The following SLC24A2 variants were observed in gnomAD, a reference collection of about 807,000 sequenced individuals.
SLC24A2 encodes sodium/potassium/calcium exchanger 2.
A neutral mutation model predicts 62.0 loss-of-function variants in SLC24A2; 36 were observed. That is an observed-to-expected ratio of 0.58 (90% CI 0.44 to 0.77). The LOEUF is 0.77. Among genes scored for constraint, SLC24A2 ranks in the 30% least tolerant of loss-of-function variants. The pLI, the probability that SLC24A2 is intolerant of heterozygous loss-of-function variation, is 0.00. For synonymous variants in SLC24A2, 358 were observed against 294.0 expected (o/e 1.22, Z -2.23); for missense variants, 846 against 817.9 (o/e 1.03, Z -0.42).
intron 2 of SLC24A2, among the ~76,000 whole-genome samples, chr9:19,758,831 T>C (rs763793997): frequency 6.6e-6 from 1 of 152,200 alleles, no homozygotes; most frequent in Non-Finnish European, 1.5e-5. Context: ...CTGCTGTCAG[T>C]AATTCCTGCT....
the SLC24A2 span, among the ~76,000 whole-genome samples, chr9:19,795,868 C>G: frequency 1.3e-5 from 2 of 151,954 alleles, no homozygotes; most frequent in Admixed American, 1.3e-4. Context: ...TTGGAACCAA[C>G]CCAAATGTCC....
chr9:19,698,811 T>C (rs1036651193), intron 2 of SLC24A2, among the ~76,000 whole-genome samples: 2 of 152,172 alleles, frequency 1.3e-5, no homozygotes, highest in Non-Finnish European at 1.5e-5. Flanking sequence ...GACCCACCCA[T>C]AGAGACCTTT....
chr9:19,907,204 A>T, the SLC24A2 span, among the ~76,000 whole-genome samples: 3 of 152,230 alleles, frequency 2.0e-5, no homozygotes, highest in Admixed American at 2.0e-4. Context: ...TCCAGCATAT[A>T]AACAGAACCA....
the SLC24A2 span, among the ~76,000 whole-genome samples, chr9:19,848,313 T>G: frequency 6.6e-6 from 1 of 152,214 alleles, no homozygotes; most frequent in East Asian, 1.9e-4. Flanking sequence ...AATATTACGC[T>G]AAACATTGGG....
the SLC24A2 span, among the ~76,000 whole-genome samples, chr9:20,241,633 A>G: frequency 1.3e-5 from 2 of 152,214 alleles, no homozygotes; most frequent in East Asian, 3.9e-4. Flanking sequence ...TGTCCTCAAG[A>G]AGCTTACAGC....
the SLC24A2 span, among the ~76,000 whole-genome samples, chr9:20,057,093 G>T: frequency 6.6e-6 from 1 of 152,090 alleles, no homozygotes; most frequent in Admixed American, 6.5e-5. Context: ...CCCCAAGTGG[G>T]TATATGTGTG....
the SLC24A2 span, among the ~76,000 whole-genome samples, chr9:19,986,722 C>T: frequency 6.6e-6 from 1 of 152,022 alleles, no homozygotes; most frequent in Non-Finnish European, 1.5e-5. Context: ...TCCATTTATA[C>T]AAATTATCTT....
chr9:20,128,628 G>A, the SLC24A2 span, among the ~76,000 whole-genome samples: 1 of 151,992 alleles, frequency 6.6e-6, no homozygotes, highest in Non-Finnish European at 1.5e-5. Flanking sequence ...AAGATTTTTT[G>A]CAGAATTAAG....
chr9:20,261,660 T>C, the SLC24A2 span, among the ~76,000 whole-genome samples: 1 of 151,920 alleles, frequency 6.6e-6, no homozygotes, highest in African/African-American at 2.4e-5. Context: ...TTTTCATTTT[T>C]CTATAAAGTT....
At chr9:19,696,758 T>C (rs1437416833) in intron 2 of SLC24A2, among the ~76,000 whole-genome samples, 1 of 152,196 alleles carries the variant, frequency 6.6e-6, no homozygotes, top group East Asian at 1.9e-4. Flanking sequence ...TAAGAAAATC[T>C]AATGTGTAGT....
intron 2 of SLC24A2, among the ~76,000 whole-genome samples, chr9:19,766,331 G>A (rs1215402987): frequency 1.3e-5 from 2 of 152,156 alleles, no homozygotes; most frequent in African/African-American, 4.8e-5. Flanking sequence ...GTCCAGTTTT[G>A]TTCCCTTGCT....
chr9:19,868,144 T>C, the SLC24A2 span, among the ~76,000 whole-genome samples: 2 of 152,074 alleles, frequency 1.3e-5, no homozygotes, highest in South Asian at 4.1e-4. Context: ...TCTCTGATAG[T>C]TGCATTCACT....
At chr9:20,198,155 C>G in the SLC24A2 span, among the ~76,000 whole-genome samples, 177 of 152,298 alleles carry the variant, frequency 1.2e-3, no homozygotes, top group African/African-American at 4.0e-3. Context: ...TTGGAGCACA[C>G]AGCTGCAGAT....
At chr9:20,234,762 C>T in the SLC24A2 span, among the ~76,000 whole-genome samples, 1 of 152,206 alleles carries the variant, frequency 6.6e-6, no homozygotes, top group South Asian at 2.1e-4. Flanking sequence ...TGCTCTGTTG[C>T]TGGTGGGGAG....
chr9:20,138,758 G>T, the SLC24A2 span, among the ~76,000 whole-genome samples: 2 of 151,992 alleles, frequency 1.3e-5, no homozygotes, highest in South Asian at 4.1e-4. Flanking sequence ...ATTCTATTTC[G>T]CTAGAAGGTT....
chr9:20,261,223 A>G, the SLC24A2 span, among the ~76,000 whole-genome samples: 1 of 152,094 alleles, frequency 6.6e-6, no homozygotes, highest in South Asian at 2.1e-4. Context: ...GAGAACATAC[A>G]ATGTCTGGTT....
At chr9:20,298,956 G>A in the SLC24A2 span, among the ~76,000 whole-genome samples, 1 of 152,198 alleles carries the variant, frequency 6.6e-6, no homozygotes, top group Non-Finnish European at 1.5e-5. Flanking sequence ...TGCTGAACAG[G>A]GAGGATCCTA....
At chr9:19,738,823 A>T (rs1821586908) in intron 2 of SLC24A2, among the ~76,000 whole-genome samples, 1 of 152,190 alleles carries the variant, frequency 6.6e-6, no homozygotes, top group African/African-American at 2.4e-5. Flanking sequence ...AAATAACATA[A>T]AAATCATATA....
At chr9:19,906,655 G>A in the SLC24A2 span, among the ~76,000 whole-genome samples, 10 of 152,118 alleles carry the variant, frequency 6.6e-5, no homozygotes, top group East Asian at 1.9e-4. Flanking sequence ...TATCACCACC[G>A]ATCCCACAGA....
Sources: allele counts gnomAD v4.1 joint callset (sites outside exome capture counted in the v4.1 genomes callset), GRCh38; gene constraint gnomAD v4.1.1; transcripts MANE v1.5; gene names NCBI Gene and HGNC (gene_info 2026-07-23, HGNC 2026-07-21).